PTPRD: variants seen among roughly 807,000 people sequenced by gnomAD.
The protein encoded by PTPRD is protein tyrosine phosphatase receptor type D, also known as receptor-type tyrosine-protein phosphatase delta.
A neutral mutation model predicts 214.5 loss-of-function variants in PTPRD; 34 were observed. The observed-to-expected ratio is 0.16, with a 90% CI of 0.12 to 0.21. The LOEUF is 0.21. PTPRD is among the 10% of genes least tolerant of loss of function. The pLI, the probability that PTPRD is intolerant of heterozygous loss-of-function variation, is 1.00. For synonymous variants in PTPRD, 1,128 were observed against 845.7 expected, an observed-to-expected ratio of 1.33 and a Z score of -5.79; for missense variants, 2,545 against 2,398.7, an observed-to-expected ratio of 1.06 and a Z score of -1.27.
At position 10,558,425 on chromosome 9, in the gene PTPRD, A is replaced by G. The variant is rs751400836; in HGVS notation, c.-600+53973T>C. ...TAATATTCCTGAATCCCTAGTGTTT[A>G]GCAAATCCACCAAGGAGATGTACCT... is the stretch of plus-strand genomic sequence containing the variant. On this transcript the variant is annotated intron_variant, in intron 2 of 45. Coordinates refer to ENST00000381196, the MANE Select transcript of PTPRD (RefSeq NM_002839.4). Among the ~76,000 whole-genome samples the G allele has an allele frequency of 3.3e-5, 5 of 152,132 alleles. No individual in the cohort carries two copies. The South Asian group carries it at 6.2e-4, about 19-fold the overall frequency.
rs546443460 is a variant in PTPRD at position 8,598,579 on chromosome 9, C to T, written c.352+34738G>A. On this transcript the variant is annotated intron_variant, in intron 14 of 45. Coordinates refer to ENST00000381196, the MANE Select transcript of PTPRD (RefSeq NM_002839.4). ...AATATGAAAGCATAATATTTTTGAC[C>T]CTTAGAAAACAGGCTAGGAAAATGG... Among the ~76,000 whole-genome samples the T allele has an allele frequency of 1.4e-4, 22 of 152,034 alleles. 1 individual carries two copies. In the South Asian group the frequency reaches 3.9e-3, roughly 27 times the overall value.
intron 9 of PTPRD, among the ~76,000 whole-genome samples, chr9:9,218,245 C>A (rs2099953554): frequency 6.6e-6 from 1 of 152,092 alleles, no homozygotes; most frequent in African/African-American, 2.4e-5. Context: ...AATTTTTTCT[C>A]TTTATATTTT....
At chr9:9,090,838 T>G (rs2099774475) in intron 10 of PTPRD, 1 of 767,564 alleles carries the variant, frequency 1.3e-6, no homozygotes. Context: ...CTTATTCCAT[T>G]GACAATGATG....
chr9:8,557,413 C>A (rs1460222176), intron 14 of PTPRD, among the ~76,000 whole-genome samples: 1 of 137,798 alleles, frequency 7.3e-6, no homozygotes, highest in Non-Finnish European at 1.5e-5. Context: ...AAACAAAACT[C>A]TTTATTTTTC....
intron 9 of PTPRD, among the ~76,000 whole-genome samples, chr9:9,311,985 T>C (rs1228614039): frequency 1.3e-5 from 2 of 152,228 alleles, no homozygotes; most frequent in Admixed American, 6.5e-5. Flanking sequence ...TGTAGCAATA[T>C]ACACTGCAGT....
chr9:10,419,820 C>T (rs920389366), intron 2 of PTPRD, among the ~76,000 whole-genome samples: 8 of 151,702 alleles, frequency 5.3e-5, no homozygotes, highest in Non-Finnish European at 8.8e-5. Context: ...GCAGTCTGTT[C>T]ATTTAGTGAG....
At chr9:10,180,115 T>A (rs959244134) in intron 3 of PTPRD, among the ~76,000 whole-genome samples, 2 of 152,010 alleles carry the variant, frequency 1.3e-5, no homozygotes, top group Non-Finnish European at 2.9e-5. Flanking sequence ...AATACACACA[T>A]ACAGTTCCAA....
At chr9:10,539,516 A>T (rs576267456) in intron 2 of PTPRD, among the ~76,000 whole-genome samples, 2 of 152,206 alleles carry the variant, frequency 1.3e-5, no homozygotes, top group East Asian at 3.9e-4. Context: ...GTCTAACTCC[A>T]TGTTTTATGT....
intron 9 of PTPRD, among the ~76,000 whole-genome samples, chr9:9,333,234 T>C (rs577625627): frequency 6.6e-6 from 1 of 151,676 alleles, no homozygotes; most frequent in South Asian, 2.1e-4. Flanking sequence ...AAAGGCTTTG[T>C]AGGTGACATA....
intron 2 of PTPRD, among the ~76,000 whole-genome samples, chr9:10,503,686 C>T (rs2044677882): frequency 6.6e-6 from 1 of 151,934 alleles, no homozygotes; most frequent in African/African-American, 2.4e-5. Flanking sequence ...CTGGAGATTA[C>T]ACTTTAGTAG....
intron 12 of PTPRD, among the ~76,000 whole-genome samples, chr9:8,665,568 A>G (rs540079653): frequency 3.9e-5 from 6 of 152,344 alleles, no homozygotes; most frequent in African/African-American, 1.2e-4. Flanking sequence ...AGATATTATT[A>G]GACATTCATT....
At chr9:8,720,963 G>A (rs1013757391) in intron 12 of PTPRD, among the ~76,000 whole-genome samples, 2 of 151,738 alleles carry the variant, frequency 1.3e-5, no homozygotes, top group East Asian at 1.9e-4. Context: ...AGGGAATCAT[G>A]AGTGTGTGTT....
chr9:9,682,865 C>T (rs1221451918), intron 7 of PTPRD, among the ~76,000 whole-genome samples: 2 of 151,690 alleles, frequency 1.3e-5, no homozygotes, highest in Admixed American at 6.6e-5. Context: ...ACTCCAGGAC[C>T]TCATATTTAC....
intron 37 of PTPRD, among the ~76,000 whole-genome samples, chr9:8,377,535 G>C (rs974440723): frequency 1.3e-5 from 2 of 151,988 alleles, no homozygotes; most frequent in Non-Finnish European, 2.9e-5. Flanking sequence ...ATAATGAAAA[G>C]TAACAAACAC....
At chr9:8,507,522 C>A (rs1429027029) in intron 21 of PTPRD, 88 bp from the exon 22 acceptor site, 3 of 1,517,722 alleles carry the variant, frequency 2.0e-6, no homozygotes, top group East Asian at 4.5e-5. Context: ...TTAAACCTTT[C>A]GAAATCTGTA....
chr9:10,227,865 G>A (rs930352576), intron 3 of PTPRD, among the ~76,000 whole-genome samples: 15 of 151,658 alleles, frequency 9.9e-5, no homozygotes, highest in African/African-American at 3.4e-4. Context: ...TGCTTTGTCC[G>A]GCCCTACTTG....
chr9:9,489,468 A>G (rs2095807660), intron 8 of PTPRD, among the ~76,000 whole-genome samples: 1 of 152,176 alleles, frequency 6.6e-6, no homozygotes, highest in South Asian at 2.1e-4. Flanking sequence ...CAGACTTTAT[A>G]ACAAAGTCTT....
At chr9:8,331,309 A>C (rs143570519) in intron 44 of PTPRD, among the ~76,000 whole-genome samples, 4 of 152,204 alleles carry the variant, frequency 2.6e-5, no homozygotes, top group African/African-American at 9.6e-5. Flanking sequence ...AGGTACCAAC[A>C]ATTCCCATTA....
At chr9:9,888,186 A>C (rs1279602035) in intron 5 of PTPRD, among the ~76,000 whole-genome samples, 1 of 152,176 alleles carries the variant, frequency 6.6e-6, no homozygotes. Flanking sequence ...GGAAAGTGTG[A>C]AACACAATTC....
Sources: gnomAD v4.1 joint callset for allele counts (sites outside exome capture counted in the v4.1 genomes callset) on GRCh38, gnomAD v4.1.1 for gene constraint, MANE v1.5 for transcripts, NCBI Gene and HGNC (gene_info 2026-07-23, HGNC 2026-07-21) for gene names.